Variants in ATRX observed in about 807,000 individuals in gnomAD.
The protein encoded by ATRX is ATRX chromatin remodeler, also known as chromatin remodeler ATRX.
A neutral mutation model predicts 172.6 loss-of-function variants in ATRX; 12 were observed. The ratio of observed to expected loss-of-function variants is 0.07; its 90% CI spans 0.04 to 0.11. ATRX has a LOEUF of 0.11. Ranked by LOEUF, ATRX falls within the 10% of genes least tolerant of loss-of-function variation. The pLI, the probability that ATRX is intolerant of heterozygous loss-of-function variation, is 1.00. For missense variants in ATRX, 1,368 were observed against 1,767.4 expected (o/e 0.77, Z 4.05); for synonymous variants, 674 against 594.7 (o/e 1.13, Z -1.94).
chrX:77,609,604 C>A (rs868955985), intron 22 of ATRX, among the ~76,000 whole-genome samples: 9 of 112,176 alleles, frequency 8.0e-5, no homozygotes, highest in Non-Finnish European at 1.7e-4. Context: ...CTGCTTCAGC[C>A]TCCTGAGTAG....
At chrX:77,578,471 A>T (rs781811936) in intron 27 of ATRX, among the ~76,000 whole-genome samples, 3 of 112,422 alleles carry the variant, frequency 2.7e-5, no homozygotes, top group Non-Finnish European at 5.6e-5. Context: ...ATACCAGCTC[A>T]GTCACAGTAG....
chrX:77,741,885 A>C (rs2074889301), intron 1 of ATRX, among the ~76,000 whole-genome samples: 1 of 112,184 alleles, frequency 8.9e-6, no homozygotes, highest in Non-Finnish European at 1.9e-5. Context: ...AGGTCATGAA[A>C]ATCAGCCCAA....
chrX:77,513,263 G>A (rs1557037510), intron 34 of ATRX, among the ~76,000 whole-genome samples: 5 of 97,198 alleles, frequency 5.1e-5, no homozygotes. Flanking sequence ...CTTGCAGTGA[G>A]CTGAGATTGC....
At chrX:77,537,467 T>A (rs1455859478) in intron 30 of ATRX, among the ~76,000 whole-genome samples, 1 of 111,321 alleles carries the variant, frequency 9.0e-6, no homozygotes, top group Non-Finnish European at 1.9e-5. Flanking sequence ...ACTGGTGTTA[T>A]TTACCACTTT....
At chrX:77,637,299 T>C (rs1179119044) in intron 15 of ATRX, among the ~76,000 whole-genome samples, 1 of 111,959 alleles carries the variant, frequency 8.9e-6, no homozygotes, top group Non-Finnish European at 1.9e-5. Context: ...GAATAAAACT[T>C]AAGTAGATAT....
intron 10 of ATRX, among the ~76,000 whole-genome samples, chrX:77,670,728 C>G (rs2070518107): frequency 1.9e-5 from 2 of 105,862 alleles, no homozygotes; most frequent in South Asian, 8.4e-4. Flanking sequence ...GCACTCCAGC[C>G]TGGGTGACAA....
intron 30 of ATRX, among the ~76,000 whole-genome samples, chrX:77,534,249 T>C (rs1459058362): frequency 1.8e-5 from 2 of 111,846 alleles, no homozygotes; most frequent in African/African-American, 3.2e-5. Flanking sequence ...AAAAAAGACA[T>C]AGGATTTCTG....
intron 30 of ATRX, among the ~76,000 whole-genome samples, chrX:77,533,594 A>G (rs2063654895): frequency 9.0e-6 from 1 of 111,067 alleles, no homozygotes; most frequent in Admixed American, 9.6e-5. Context: ...GAACACATGG[A>G]CACATGGAGG....
intron 2 of ATRX, 150 bp downstream of exon 2, chrX:77,716,981 C>G (rs2073467469): frequency 8.7e-6 from 4 of 459,496 alleles, no homozygotes; most frequent in South Asian, 6.8e-5. Context: ...ATAATAGGGG[C>G]TTCTATAAAG....
intron 30 of ATRX, among the ~76,000 whole-genome samples, chrX:77,528,892 C>G (rs2147791797): frequency 9.0e-6 from 1 of 111,674 alleles, no homozygotes; most frequent in East Asian, 2.8e-4. Flanking sequence ...TGTTTTAACC[C>G]AAGGCAAAGA....
intron 5 of ATRX, among the ~76,000 whole-genome samples, chrX:77,695,982 A>G (rs1267193967): frequency 1.8e-5 from 2 of 112,103 alleles, no homozygotes; most frequent in Non-Finnish European, 1.9e-5. Context: ...GACTTGAGCT[A>G]TGAAGAGTCC....
At chrX:77,625,052 A>T (rs1557102131) in intron 19 of ATRX, among the ~76,000 whole-genome samples, 2 of 112,165 alleles carry the variant, frequency 1.8e-5, no homozygotes, top group African/African-American at 6.5e-5. Context: ...AAGCACACAG[A>T]CCAATGGAAC....
intron 28 of ATRX, among the ~76,000 whole-genome samples, chrX:77,565,427 G>C (rs1188333533): frequency 8.9e-6 from 1 of 112,266 alleles, no homozygotes; most frequent in East Asian, 2.8e-4. Flanking sequence ...AGATGACATA[G>C]ATGTTAGAAT....
intron 1 of ATRX, among the ~76,000 whole-genome samples, chrX:77,748,414 G>A (rs1432326458): frequency 3.6e-5 from 4 of 110,612 alleles, no homozygotes; most frequent in Non-Finnish European, 7.6e-5. Context: ...GCAGCTGTGG[G>A]AACAGAGAAC....
chrX:77,758,617 G>T (rs1223433861), intron 1 of ATRX, among the ~76,000 whole-genome samples: 1 of 109,579 alleles, frequency 9.1e-6, no homozygotes, highest in Non-Finnish European at 1.9e-5. Context: ...AATTAGCCGG[G>T]TGTGGTGGCA....
At chrX:77,732,130 C>T (rs1557176442) in intron 1 of ATRX, among the ~76,000 whole-genome samples, 1 of 111,807 alleles carries the variant, frequency 8.9e-6, no homozygotes, top group Admixed American at 9.5e-5. Context: ...AACCTGGGTG[C>T]TGTGCACAGG....
At chrX:77,595,481 A>G (rs1159055519) in intron 25 of ATRX, 2 of 111,948 alleles carry the variant, frequency 1.8e-5, no homozygotes, top group Admixed American at 1.9e-4. Flanking sequence ...CGTAAATTCA[A>G]TGTAACTATT....
chrX:77,732,317 G>A (rs782351236), intron 1 of ATRX, among the ~76,000 whole-genome samples: 2 of 111,891 alleles, frequency 1.8e-5, no homozygotes, highest in African/African-American at 6.5e-5. Flanking sequence ...GGCAGGCTGA[G>A]TAAACATTCG....
At chrX:77,715,694 T>G (rs2073340676) in intron 2 of ATRX, among the ~76,000 whole-genome samples, 1 of 111,575 alleles carries the variant, frequency 9.0e-6, no homozygotes, top group African/African-American at 3.3e-5. Flanking sequence ...TAGCTGTAGT[T>G]TTCTTTATAT....
Sources: allele counts gnomAD v4.1 joint callset (sites outside exome capture counted in the v4.1 genomes callset), GRCh38; gene constraint gnomAD v4.1.1; transcripts MANE v1.5; gene names NCBI Gene and HGNC (gene_info 2026-07-23, HGNC 2026-07-21).